Variants in ANKS1B observed in about 807,000 individuals in gnomAD.
ANKS1B encodes ankyrin repeat and sterile alpha motif domain-containing protein 1B.
Under a neutral mutation model 148.3 loss-of-function variants are expected in ANKS1B, and 36 were observed. The ratio of observed to expected loss-of-function variants is 0.24; its 90% CI spans 0.19 to 0.32. The LOEUF (loss-of-function observed/expected upper bound fraction) is 0.32. Ranked by LOEUF, ANKS1B falls within the 10% of genes least tolerant of loss-of-function variation. The probability of loss-of-function intolerance (pLI) is 1.00; values close to 1 mark genes in which losing one functional copy is unlikely to be tolerated. For missense variants in ANKS1B, 1,157 were observed against 1,542.6 expected, an observed-to-expected ratio of 0.75 and a Z score of 4.19; for synonymous variants, 542 against 560.8, an observed-to-expected ratio of 0.97 and a Z score of 0.47.
chr12:99,441,500 A>C (rs1169937562), intron 11 of ANKS1B, among the ~76,000 whole-genome samples: 1 of 151,932 alleles, frequency 6.6e-6, no homozygotes, highest in Non-Finnish European at 1.5e-5. Context: ...TAAGTCATGC[A>C]CCAATGTCTC....
chr12:99,860,980 G>A (rs906102827), intron 1 of ANKS1B, among the ~76,000 whole-genome samples: 2 of 152,168 alleles, frequency 1.3e-5, no homozygotes, highest in Non-Finnish European at 1.5e-5. Context: ...CTCAGGAAAA[G>A]CTAATTAGAA....
intron 14 of ANKS1B, among the ~76,000 whole-genome samples, chr12:99,220,701 C>T (rs1472341361): frequency 6.6e-6 from 1 of 151,970 alleles, no homozygotes; most frequent in East Asian, 1.9e-4. Context: ...CCTGCCTTGG[C>T]CTCCCAAAGT....
intron 8 of ANKS1B, among the ~76,000 whole-genome samples, chr12:99,728,938 G>A (rs1013108225): frequency 6.6e-6 from 1 of 152,128 alleles, no homozygotes; most frequent in African/African-American, 2.4e-5. Flanking sequence ...TAAACAATGA[G>A]AACACATTTA....
intron 17 of ANKS1B, among the ~76,000 whole-genome samples, chr12:98,865,449 T>C (rs1039153534): frequency 1.3e-5 from 2 of 152,316 alleles, no homozygotes; most frequent in African/African-American, 2.4e-5. Flanking sequence ...ATTATGTTCC[T>C]GGCATTATTC....
At chr12:99,743,666 G>C (rs1215529337) in intron 8 of ANKS1B, among the ~76,000 whole-genome samples, 1 of 152,136 alleles carries the variant, frequency 6.6e-6, no homozygotes, top group Non-Finnish European at 1.5e-5. Flanking sequence ...GGGACTGTGA[G>C]AGCAGGTGAA....
intron 1 of ANKS1B, among the ~76,000 whole-genome samples, chr12:99,855,250 A>G (rs1452854772): frequency 6.6e-6 from 1 of 152,128 alleles, no homozygotes; most frequent in Non-Finnish European, 1.5e-5. Flanking sequence ...AACAGGAGTA[A>G]CTAATATATA....
At chr12:98,769,032 A>G (rs765455167) in intron 25 of ANKS1B, among the ~76,000 whole-genome samples, 13 of 152,210 alleles carry the variant, frequency 8.5e-5, no homozygotes, top group Non-Finnish European at 1.9e-4. Context: ...ATGTGATAAC[A>G]GTACATAAAA....
At chr12:99,641,846 AGC>A (rs1222205109) in intron 9 of ANKS1B, among the ~76,000 whole-genome samples, 1 of 152,152 alleles carries the variant, frequency 6.6e-6, no homozygotes, top group Non-Finnish European at 1.5e-5. Flanking sequence ...TGCTAAAAGA[AGC>A]TATTCCGTCT....
chr12:98,830,160 G>A (rs1294913060), intron 18 of ANKS1B, among the ~76,000 whole-genome samples: 1 of 152,142 alleles, frequency 6.6e-6, no homozygotes. Context: ...AGCAGGAAAT[G>A]ACTCCTCTAA....
chr12:99,899,787 T>G (rs2093521448), intron 1 of ANKS1B, among the ~76,000 whole-genome samples: 1 of 152,206 alleles, frequency 6.6e-6, no homozygotes, highest in African/African-American at 2.4e-5. Context: ...ATAATGCCCT[T>G]GTTATTTATA....
intron 9 of ANKS1B, among the ~76,000 whole-genome samples, chr12:99,595,933 G>T (rs2097755017): frequency 6.6e-6 from 1 of 151,768 alleles, no homozygotes; most frequent in African/African-American, 2.4e-5. Flanking sequence ...TGGTTCATTG[G>T]CAAATGTTTG....
chr12:99,512,367 T>G (rs1007188227), intron 9 of ANKS1B, among the ~76,000 whole-genome samples: 16 of 151,862 alleles, frequency 1.1e-4, no homozygotes, highest in African/African-American at 3.9e-4. Context: ...CCTCATGCAG[T>G]CAGAATGATG....
chr12:99,230,605 C>T (rs2086683930), intron 14 of ANKS1B, among the ~76,000 whole-genome samples: 1 of 151,950 alleles, frequency 6.6e-6, no homozygotes, highest in Non-Finnish European at 1.5e-5. Context: ...AGAATCTCAG[C>T]GGTATTTGAA....
intron 12 of ANKS1B, among the ~76,000 whole-genome samples, chr12:99,305,074 C>T (rs1011366008): frequency 2.0e-5 from 3 of 151,866 alleles, no homozygotes; most frequent in African/African-American, 4.8e-5. Context: ...CGGTGGGGGG[C>T]AGGTGTATCA....
intron 9 of ANKS1B, among the ~76,000 whole-genome samples, chr12:99,646,889 A>G (rs2098374642): frequency 6.6e-6 from 1 of 151,662 alleles, no homozygotes; most frequent in Non-Finnish European, 1.5e-5. Flanking sequence ...GGCTCTTTTC[A>G]TTCCATAGCC....
intron 17 of ANKS1B, among the ~76,000 whole-genome samples, chr12:99,028,130 A>G (rs2099949837): frequency 6.6e-6 from 1 of 152,236 alleles, no homozygotes; most frequent in Non-Finnish European, 1.5e-5. Flanking sequence ...AGTGAATTAA[A>G]TATTTTTTAA....
chr12:98,844,993 A>G (rs900725654), intron 17 of ANKS1B, among the ~76,000 whole-genome samples: 3 of 152,218 alleles, frequency 2.0e-5, no homozygotes, highest in Admixed American at 1.3e-4. Context: ...GATCCAAAAG[A>G]AATCAATTGT....
At chr12:98,835,873 C>A (rs939970829) in intron 17 of ANKS1B, among the ~76,000 whole-genome samples, 4 of 152,182 alleles carry the variant, frequency 2.6e-5, no homozygotes, top group Admixed American at 6.5e-5. Flanking sequence ...TGGTAACTTC[C>A]ATTTACTGAA....
chr12:99,603,160 G>C (rs951519256), intron 9 of ANKS1B, among the ~76,000 whole-genome samples: 1 of 152,070 alleles, frequency 6.6e-6, no homozygotes, highest in Non-Finnish European at 1.5e-5. Flanking sequence ...CCCTGCCTCA[G>C]TCTCCTAAGT....
Sources: gnomAD v4.1 joint callset for allele counts (sites outside exome capture counted in the v4.1 genomes callset) on GRCh38, gnomAD v4.1.1 for gene constraint, MANE v1.5 for transcripts, NCBI Gene and HGNC (gene_info 2026-07-23, HGNC 2026-07-21) for gene names.